ARID1B: variants seen among roughly 807,000 people sequenced by gnomAD.
ARID1B encodes the protein AT-rich interactive domain-containing protein 1B.
A neutral mutation model predicts 212.3 loss-of-function variants in ARID1B; 30 were observed. The ratio of observed to expected loss-of-function variants is 0.14; its 90% confidence interval spans 0.11 to 0.19. ARID1B has a LOEUF of 0.19. Among genes scored for constraint, ARID1B ranks in the 10% least tolerant of loss-of-function variants. ARID1B has a pLI of 1.00. For missense variants in ARID1B, 2,891 were observed against 3,204.0 expected, an observed-to-expected ratio of 0.90 and a Z score of 2.36; for synonymous variants, 1,402 against 1,301.7, an observed-to-expected ratio of 1.08 and a Z score of -1.66.
intron 3 of ARID1B, among the ~76,000 whole-genome samples, chr6:156,923,880 G>A (rs894235712): frequency 3.3e-5 from 5 of 151,854 alleles, no homozygotes; most frequent in Non-Finnish European, 7.4e-5. Context: ...GCTAATTTTT[G>A]TAGAGACAGG....
At chr6:157,141,988 C>T (rs181471229) in intron 7 of ARID1B, among the ~76,000 whole-genome samples, 16 of 152,270 alleles carry the variant, frequency 1.1e-4, no homozygotes, top group Admixed American at 2.6e-4. Flanking sequence ...CAGCTCTACT[C>T]GTAATTGCCA....
chr6:156,989,289 G>A (rs546704876), intron 4 of ARID1B, among the ~76,000 whole-genome samples: 26 of 152,248 alleles, frequency 1.7e-4, no homozygotes, highest in African/African-American at 5.3e-4. Flanking sequence ...AACTTTGGCT[G>A]TTGGCATTTT....
chr6:156,959,673 G>A (rs1794226303), intron 4 of ARID1B, among the ~76,000 whole-genome samples: 1 of 152,194 alleles, frequency 6.6e-6, no homozygotes, highest in East Asian at 1.9e-4. Context: ...ACTGTGTAAA[G>A]GTTGAATTGT....
intron 5 of ARID1B, among the ~76,000 whole-genome samples, chr6:157,093,151 T>TA (rs984281515): frequency 2.6e-5 from 4 of 152,174 alleles, no homozygotes; most frequent in Non-Finnish European, 2.9e-5. Context: ...AGCCTAGAAG[T>TA]AAAAAGTTTC....
chr6:156,823,684 T>C (rs1221894652), intron 1 of ARID1B, among the ~76,000 whole-genome samples: 2 of 100,670 alleles, frequency 2.0e-5, no homozygotes, highest in African/African-American at 7.6e-5. Context: ...GGGTTTTCTT[T>C]GTTGTTTTTT....
At chr6:157,198,471 T>C in intron 16 of ARID1B, 2 of 270,930 alleles carry the variant, frequency 7.4e-6, no homozygotes, top group Non-Finnish European at 1.4e-5. Flanking sequence ...CTTCCTAAGG[T>C]ACACGTCAGT....
chr6:157,127,799 A>AC (rs1271889415), intron 6 of ARID1B, among the ~76,000 whole-genome samples: 1 of 149,572 alleles, frequency 6.7e-6, no homozygotes, highest in Non-Finnish European at 1.5e-5. Context: ...AAAAAAAAAA[A>AC]AAAAAAACAA....
intron 1 of ARID1B, among the ~76,000 whole-genome samples, chr6:156,806,669 A>G (rs1781180840): frequency 6.6e-6 from 1 of 152,228 alleles, no homozygotes; most frequent in Non-Finnish European, 1.5e-5. Context: ...ATTTCAAACC[A>G]GGTTTTGTGA....
intron 1 of ARID1B, among the ~76,000 whole-genome samples, chr6:156,805,705 AT>A (rs887119080): frequency 6.6e-6 from 1 of 150,918 alleles, no homozygotes; most frequent in African/African-American, 2.4e-5. Context: ...ATTTAATTTT[AT>A]TTTTTTTTAG....
At chr6:157,122,326 A>G (rs1452831499) in intron 6 of ARID1B, among the ~76,000 whole-genome samples, 2 of 152,244 alleles carry the variant, frequency 1.3e-5, no homozygotes, top group Non-Finnish European at 2.9e-5. Context: ...TGATGCTAAT[A>G]TTACTATTCA....
chr6:156,900,879 G>A (rs1355011618), intron 2 of ARID1B, among the ~76,000 whole-genome samples: 1 of 152,160 alleles, frequency 6.6e-6, no homozygotes, highest in Non-Finnish European at 1.5e-5. Flanking sequence ...TAATTTAACT[G>A]GTATATATGT....
intron 4 of ARID1B, among the ~76,000 whole-genome samples, chr6:156,983,374 G>A (rs766861910): frequency 6.6e-6 from 1 of 152,138 alleles, no homozygotes; most frequent in Non-Finnish European, 1.5e-5. Context: ...CAGCCTGGGC[G>A]ACAGAGCGAG....
chr6:156,863,646 A>T (rs9480396), intron 2 of ARID1B, among the ~76,000 whole-genome samples: 14,662 of 152,212 alleles, frequency 0.096, 956 homozygotes, highest in East Asian at 0.3. Flanking sequence ...TATTTTATAG[A>T]TGGGGAACCT....
Position 156,778,743 on chromosome 6 carries a change from G to A in ARID1B, c.1063G>A (p.Ala355Thr), listed in dbSNP as rs2114984242. Residue 355 changes from alanine to threonine, a missense_variant, in exon 1 of 20, where the codon GCC becomes ACC. Physicochemically the swap from Ala to Thr is moderately conservative, Grantham distance 58. This residue lies in a region of ARID1B where 1,643 missense variants were observed against 1,544.0 expected (regional missense o/e 1.06). Transcript: ENST00000636930. ...GGGGATGATGCACTCCGCCTCCGCC[G>A]CCGCCGCCGGGGCCCCCGGCAGCAT... ...GMGMMHSASAAAAGAPGSMDP... is the reference protein window; with the variant it reads ...GMGMMHSASATAAGAPGSMDP... The A allele has an allele frequency of 2.6e-6, 4 of 1,520,898 alleles. No individual in the cohort carries two copies. The highest frequency in any genetic ancestry group is 2.7e-5 in the East Asian group (1 of 37,554). The allele number at this position is 1,520,898 out of a possible 1,614,324, so 94.2% of individuals were successfully genotyped here.
chr6:157,039,085 G>A (rs545024194), intron 4 of ARID1B, among the ~76,000 whole-genome samples: 6 of 152,058 alleles, frequency 3.9e-5, no homozygotes, highest in Non-Finnish European at 8.8e-5. Flanking sequence ...TGCCCAGGCT[G>A]GTCTTGAACT....
At chr6:157,172,255 G>A (rs143695745) in intron 9 of ARID1B, among the ~76,000 whole-genome samples, 4,589 of 152,248 alleles carry the variant, frequency 0.03, 89 homozygotes, top group Non-Finnish European at 0.045. Flanking sequence ...CCACTGCTTT[G>A]AACAAGGCGG....
upstream of ARID1B, chr6:156,777,041 C>G (rs973430786): frequency 6.6e-6 from 1 of 152,272 alleles, no homozygotes; most frequent in East Asian, 1.9e-4. Flanking sequence ...CAGCCCTTCT[C>G]CCTCTTTTGT....
At chr6:157,015,575 G>A (rs1231477673) in intron 4 of ARID1B, among the ~76,000 whole-genome samples, 1 of 152,158 alleles carries the variant, frequency 6.6e-6, no homozygotes, top group Non-Finnish European at 1.5e-5. Context: ...GATCCATGAG[G>A]AAGATAATAC....
chr6:156,802,286 T>C (rs1015392359), intron 1 of ARID1B, among the ~76,000 whole-genome samples: 3 of 152,222 alleles, frequency 2.0e-5, no homozygotes, highest in Admixed American at 2.0e-4. Flanking sequence ...CATCATTAGA[T>C]GAAGCAAAAA....
Sources: gnomAD v4.1 joint callset for allele counts (sites outside exome capture counted in the v4.1 genomes callset) on GRCh38, gnomAD v4.1.1 for gene constraint, gnomAD v4.1.1 regional missense constraint, MANE v1.5 for transcripts, NCBI Gene and HGNC (gene_info 2026-07-23, HGNC 2026-07-21) for gene names.